Variants in SHISA9 observed in about 807,000 individuals in gnomAD.
SHISA9 encodes the protein protein shisa-9.
Under a neutral mutation model 38.0 loss-of-function variants are expected in SHISA9, and 13 were observed. That is an observed-to-expected ratio of 0.34 (90% confidence interval 0.22 to 0.54). SHISA9 has a LOEUF of 0.54. SHISA9 is among the 20% of genes least tolerant of loss of function. SHISA9 has a pLI of 0.91. For missense variants in SHISA9, 538 were observed against 575.8 expected, an observed-to-expected ratio of 0.93 and a Z score of 0.67; for synonymous variants, 275 against 242.0, an observed-to-expected ratio of 1.14 and a Z score of -1.27.
chr16:13,403,695 T>C, the SHISA9 span, among the ~76,000 whole-genome samples: 1 of 152,202 alleles, frequency 6.6e-6, no homozygotes, highest in Non-Finnish European at 1.5e-5. Context: ...TAAATCATCT[T>C]CTGAGTAGGT....
the SHISA9 span, among the ~76,000 whole-genome samples, chr16:13,258,033 T>C: frequency 6.6e-6 from 1 of 152,190 alleles, no homozygotes; most frequent in South Asian, 2.1e-4. Flanking sequence ...TTTCTTAATT[T>C]CAAGTGGCTG....
At chr16:13,366,977 C>T in the SHISA9 span, among the ~76,000 whole-genome samples, 11 of 82,052 alleles carry the variant, frequency 1.3e-4, no homozygotes, top group East Asian at 2.1e-3. Flanking sequence ...GGTGAGGCTC[C>T]ATCTCAAAAA....
chr16:13,356,381 T>A, the SHISA9 span, among the ~76,000 whole-genome samples: 1 of 152,142 alleles, frequency 6.6e-6, no homozygotes, highest in Non-Finnish European at 1.5e-5. Flanking sequence ...TTATATTTGA[T>A]GAAAAAGAGC....
intron 2 of SHISA9, among the ~76,000 whole-genome samples, chr16:13,124,829 A>T (rs1230451146): frequency 1.3e-5 from 2 of 152,200 alleles, no homozygotes; most frequent in African/African-American, 4.8e-5. Flanking sequence ...CTTGTGGTAA[A>T]CTCATTTTTG....
chr16:13,402,391 A>G, the SHISA9 span, among the ~76,000 whole-genome samples: 1 of 152,160 alleles, frequency 6.6e-6, no homozygotes, highest in Non-Finnish European at 1.5e-5. Context: ...CTGATGCACA[A>G]GGGTAGGACA....
At chr16:13,256,489 A>G in the SHISA9 span, among the ~76,000 whole-genome samples, 1 of 152,180 alleles carries the variant, frequency 6.6e-6, no homozygotes, top group Non-Finnish European at 1.5e-5. Flanking sequence ...CGTGTTGGTC[A>G]GGCTGGTCTC....
At chr16:13,461,146 C>T in the SHISA9 span, among the ~76,000 whole-genome samples, 2 of 152,196 alleles carry the variant, frequency 1.3e-5, no homozygotes, top group Non-Finnish European at 2.9e-5. Flanking sequence ...CTCAAGCCTG[C>T]AGTTCTGACA....
chr16:13,474,581 G>A, the SHISA9 span, among the ~76,000 whole-genome samples: 8 of 152,100 alleles, frequency 5.3e-5, no homozygotes, highest in Non-Finnish European at 7.4e-5. Flanking sequence ...TTCTATCCAT[G>A]GAGTTACAGC....
chr16:13,430,801 C>T, the SHISA9 span, among the ~76,000 whole-genome samples: 1 of 151,730 alleles, frequency 6.6e-6, no homozygotes. Context: ...TGCCTGTAGT[C>T]CCAGCTACTT....
intron 1 of SHISA9, among the ~76,000 whole-genome samples, chr16:12,913,275 C>A (rs1232765711): frequency 1.3e-5 from 2 of 152,236 alleles, no homozygotes; most frequent in South Asian, 2.1e-4. Context: ...CAGCTCACTG[C>A]AATCTCCACC....
the SHISA9 span, among the ~76,000 whole-genome samples, chr16:13,488,596 G>A: frequency 1.5e-3 from 222 of 152,238 alleles, no homozygotes; most frequent in Middle Eastern, 6.8e-3. Context: ...TATTTCATAT[G>A]GCAACATGCT....
chr16:12,973,558 C>T (rs1056101866), intron 2 of SHISA9, among the ~76,000 whole-genome samples: 15 of 152,312 alleles, frequency 9.8e-5, no homozygotes, highest in African/African-American at 3.6e-4. Context: ...CATCACTCTC[C>T]TTCCTCCTGC....
intron 2 of SHISA9, among the ~76,000 whole-genome samples, chr16:13,156,862 T>C (rs1260291593): frequency 6.6e-6 from 1 of 152,132 alleles, no homozygotes; most frequent in Non-Finnish European, 1.5e-5. Flanking sequence ...TATAATCAGG[T>C]AGTCTCTCAT....
chr16:13,024,240 G>T lies in SHISA9; in HGVS notation c.691+107425G>T, dbSNP rs560684556. Among the ~76,000 whole-genome samples the T allele has an allele frequency of 3.3e-5, 5 of 152,334 alleles. 1 individual carries two copies. The South Asian group carries it at 1.0e-3, about 32-fold the overall frequency. On this transcript the variant is annotated intron_variant, in intron 2 of 4. Transcript: ENST00000558583. ...TCTTTCTAGGATAAAGGAAGCATTT[G>T]CATGGCCTCTTACTGGCAGCTGTAG...
chr16:13,481,599 G>A, the SHISA9 span, among the ~76,000 whole-genome samples: 1 of 152,160 alleles, frequency 6.6e-6, no homozygotes. Context: ...TGTAAACACT[G>A]TGAGACCAGT....
chr16:13,526,991 T>C, the SHISA9 span, among the ~76,000 whole-genome samples: 1 of 152,090 alleles, frequency 6.6e-6, no homozygotes, highest in Admixed American at 6.5e-5. Flanking sequence ...AAGAAGGAAA[T>C]GCCCTTTCCC....
chr16:13,068,010 C>T (rs1049999001), intron 2 of SHISA9, among the ~76,000 whole-genome samples: 1 of 152,226 alleles, frequency 6.6e-6, no homozygotes, highest in Non-Finnish European at 1.5e-5. Flanking sequence ...CAGTCAGTTT[C>T]CGGCTGGCTG....
chr16:13,186,218 G>T (rs1445249329), intron 2 of SHISA9, among the ~76,000 whole-genome samples: 1 of 145,230 alleles, frequency 6.9e-6, no homozygotes, highest in Non-Finnish European at 1.5e-5. Flanking sequence ...GAAGCACATT[G>T]TTGTGTGTGT....
rs1437136198 is a variant in SHISA9 at position 13,024,881 on chromosome 16, C to T, written c.691+108066C>T. On this transcript the variant is annotated intron_variant, in intron 2 of 4. Coordinates refer to ENST00000558583, the MANE Select transcript of SHISA9 (RefSeq NM_001145204.3). The stretch of plus-strand genomic sequence containing the variant: ...TCTATCTCTGCTTGCATGAAAGTAG[C>T]CTCTGTGCAGCCAGGATCTCAATTG... Among the ~76,000 whole-genome samples, 3 of 152,114 alleles carry T rather than the reference C, an allele frequency of 2.0e-5. No individual in the cohort carries two copies. In the East Asian group the frequency reaches 5.8e-4, roughly 29 times the overall value.
Sources: gnomAD v4.1 joint callset for allele counts (sites outside exome capture counted in the v4.1 genomes callset) on GRCh38, gnomAD v4.1.1 for gene constraint, MANE v1.5 for transcripts, NCBI Gene and HGNC (gene_info 2026-07-23, HGNC 2026-07-21) for gene names.